Variants in PTPRG observed in about 807,000 individuals in gnomAD.
PTPRG encodes receptor-type tyrosine-protein phosphatase gamma.
PTPRG carries 102 observed loss-of-function variants against 165.3 expected under a neutral mutation model. The observed-to-expected ratio is 0.62, with a 90% CI of 0.53 to 0.73. The LOEUF is 0.73. PTPRG is among the 30% of genes least tolerant of loss of function. The pLI is 0.00. For synonymous variants in PTPRG, 675 were observed against 669.5 expected (o/e 1.01, Z -0.13); for missense variants, 1,866 against 1,861.4 (o/e 1.00, Z -0.05).
chr3:61,598,038 G>A (rs562045805), intron 1 of PTPRG, among the ~76,000 whole-genome samples: 44 of 152,256 alleles, frequency 2.9e-4, no homozygotes, highest in African/African-American at 1.0e-3. Flanking sequence ...GGCACTGAAT[G>A]AATAGAAATT....
Position 61,987,447 on chromosome 3 carries a change from C to T in PTPRG, c.191-2178C>T, listed in dbSNP as rs1479402. Among the ~76,000 whole-genome samples, 1,141 of 152,232 alleles carry T rather than the reference C, an allele frequency of 7.5e-3. 7 individuals carry two copies. Among genetic ancestry groups the T allele is most frequent in the Non-Finnish European group, 0.012 (847 of 67,998 alleles). ...TGAATGGCAAGTACTTTTCTGACATCGCAGAGTATTTTTTAAATTGTTAGT... is the reference window on the plus strand; with the variant it reads ...TGAATGGCAAGTACTTTTCTGACATTGCAGAGTATTTTTTAAATTGTTAGT... On this transcript the variant is annotated intron_variant, in intron 2 of 29. Coordinates refer to ENST00000474889, the MANE Select transcript of PTPRG (RefSeq NM_002841.4).
At chr3:62,282,385 G>C (rs952364923) in intron 27 of PTPRG, among the ~76,000 whole-genome samples, 2 of 150,638 alleles carry the variant, frequency 1.3e-5, no homozygotes, top group African/African-American at 4.9e-5. Context: ...CATATGACTA[G>C]TTAATTTTTT....
At chr3:61,916,510 C>T (rs948494925) in intron 2 of PTPRG, among the ~76,000 whole-genome samples, 12 of 152,158 alleles carry the variant, frequency 7.9e-5, no homozygotes, top group African/African-American at 2.9e-4. Context: ...AAAAATCTCA[C>T]TGTCAAATTA....
chr3:61,888,177 A>AGT (rs1221529235), intron 2 of PTPRG, among the ~76,000 whole-genome samples: 1 of 151,642 alleles, frequency 6.6e-6, no homozygotes, highest in African/African-American at 2.4e-5. Context: ...CTTTTGATCT[A>AGT]GTTTCACTAA....
At chr3:62,088,751 A>C (rs1030505498) in intron 5 of PTPRG, among the ~76,000 whole-genome samples, 1 of 152,252 alleles carries the variant, frequency 6.6e-6, no homozygotes, top group Non-Finnish European at 1.5e-5. Flanking sequence ...ACTCATAGGA[A>C]GATCAATGAA....
chr3:61,738,777 TTTTTA>T (rs1446619663), intron 1 of PTPRG, among the ~76,000 whole-genome samples: 2 of 151,284 alleles, frequency 1.3e-5, no homozygotes, highest in Non-Finnish European at 2.9e-5. Context: ...TACTTCTTTA[TTTTTA>T]TTTTATTTTT....
intron 5 of PTPRG, among the ~76,000 whole-genome samples, chr3:62,119,239 A>G (rs1316128752): frequency 2.6e-5 from 4 of 152,224 alleles, no homozygotes; most frequent in African/African-American, 9.6e-5. Context: ...AGCTGACGCA[A>G]CCAGTTGGGC....
chr3:61,564,820 C>A (rs1370072093), intron 1 of PTPRG, among the ~76,000 whole-genome samples: 1 of 152,172 alleles, frequency 6.6e-6, no homozygotes, highest in African/African-American at 2.4e-5. Flanking sequence ...GCCCGGGTTC[C>A]CAGGCTCTGG....
chr3:62,126,394 CAGTA>C (rs1703292503), intron 5 of PTPRG, among the ~76,000 whole-genome samples: 1 of 152,172 alleles, frequency 6.6e-6, no homozygotes, highest in Admixed American at 6.5e-5. Flanking sequence ...TATGAATTAA[CAGTA>C]AGTAAGCCAT....
intron 1 of PTPRG, among the ~76,000 whole-genome samples, chr3:61,621,872 C>T (rs1196178775): frequency 6.6e-6 from 1 of 152,042 alleles, no homozygotes; most frequent in Non-Finnish European, 1.5e-5. Context: ...GTATGTGGTT[C>T]TCTGTAGAAT....
In PTPRG at chr3:61,864,702, A is replaced by G. The variant is rs369344357; in HGVS notation, c.190+115720A>G. On this transcript the variant is annotated intron_variant, in intron 2 of 29. Transcript: ENST00000474889. The stretch of plus-strand genomic sequence containing the variant: ...TTCACCAGCCACCTGGAGCATTCCA[A>G]TAACACAGGCGTTTTAAGGTTTTCA... 4.1e-4 allele frequency among the ~76,000 whole-genome samples: 62 copies of G among 150,662 alleles called. 2 individuals are homozygous for G. The highest frequency in any genetic ancestry group is 1.4e-3 in the African/African-American group (60 of 41,386).
At chr3:62,196,409 A>G (rs1299165808) in intron 10 of PTPRG, among the ~76,000 whole-genome samples, 2 of 152,156 alleles carry the variant, frequency 1.3e-5, no homozygotes, top group Non-Finnish European at 2.9e-5. Context: ...GTCTCGAAAA[A>G]TGAAAATATA....
At chr3:61,729,120 A>C (rs1186374888) in intron 1 of PTPRG, among the ~76,000 whole-genome samples, 1 of 152,104 alleles carries the variant, frequency 6.6e-6, no homozygotes, top group Non-Finnish European at 1.5e-5. Flanking sequence ...TAAGTAGCTA[A>C]AGGGGCTTAC....
chr3:62,046,494 T>A (rs537949705), intron 4 of PTPRG, among the ~76,000 whole-genome samples: 11 of 152,268 alleles, frequency 7.2e-5, no homozygotes, highest in Admixed American at 3.3e-4. Flanking sequence ...GATCATAGAA[T>A]TTTTTCCCAA....
intron 2 of PTPRG, among the ~76,000 whole-genome samples, chr3:61,937,676 T>G (rs1458307468): frequency 6.6e-6 from 1 of 152,206 alleles, no homozygotes. Context: ...CTTGCTTATT[T>G]TAGAGGCAAG....
chr3:61,769,007 C>T, intron 2 of PTPRG, among the ~76,000 whole-genome samples: 1 of 152,224 alleles, frequency 6.6e-6, no homozygotes, highest in East Asian at 1.9e-4. Context: ...GAAGTATTTT[C>T]CTTTCTTCTT....
At chr3:62,212,354 G>C (rs995405068) in intron 12 of PTPRG, among the ~76,000 whole-genome samples, 4 of 152,158 alleles carry the variant, frequency 2.6e-5, no homozygotes, top group African/African-American at 9.7e-5. Flanking sequence ...TATGGGCAGA[G>C]CAACAGCATG....
chr3:61,715,811 C>G (rs1298771875), intron 1 of PTPRG, among the ~76,000 whole-genome samples: 1 of 151,278 alleles, frequency 6.6e-6, no homozygotes, highest in African/African-American at 2.4e-5. Context: ...TCTGTGGTCT[C>G]CAGATTAGAA....
chr3:62,076,101 C>T (rs767757346), intron 4 of PTPRG, among the ~76,000 whole-genome samples: 16 of 152,046 alleles, frequency 1.1e-4, no homozygotes, highest in Admixed American at 5.2e-4. Flanking sequence ...CATAGTGAGA[C>T]GCTGCCTCTA....
Sources: gnomAD v4.1 joint callset for allele counts (sites outside exome capture counted in the v4.1 genomes callset) on GRCh38, gnomAD v4.1.1 for gene constraint, MANE v1.5 for transcripts, NCBI Gene and HGNC (gene_info 2026-07-23, HGNC 2026-07-21) for gene names.